ZNF160: variants seen among roughly 807,000 people sequenced by gnomAD.
ZNF160 encodes the protein KRAB zinc finger protein KR18.
Under a neutral mutation model 13.1 loss-of-function variants are expected in ZNF160, and 9 were observed. The ratio of observed to expected loss-of-function variants is 0.69; its 90% confidence interval spans 0.41 to 1.20. The LOEUF is 1.20. Among genes scored for constraint, ZNF160 ranks in the 50% most tolerant of loss-of-function variants. ZNF160 has a pLI of 0.01. For synonymous variants in ZNF160, 293 were observed against 333.2 expected (o/e 0.88, Z 1.31); for missense variants, 838 against 988.0 (o/e 0.85, Z 2.04).
Position 53,067,456 on chromosome 19 carries a change from T to C in ZNF160, c.*621A>G, listed in dbSNP as rs1307059375. 2 of 152,230 alleles carry C rather than the reference T, an allele frequency of 1.3e-5. No individual in the cohort carries two copies. The highest frequency in any genetic ancestry group is 4.8e-5 in the African/African-American group (2 of 41,468). 9.4% of individuals were successfully genotyped at this position (152,230 alleles called of 1,614,324 possible). On this transcript the variant is annotated 3_prime_UTR_variant, in exon 6 of 6. Transcript: ENST00000683776. ...AAGTCCTCCTTCTTCACAAATTGGA[T>C]AGAAATAATCCTTCACCTAATCAAT...
At chr19:53,073,372 C>T in intron 5 of ZNF160, 1 of 1,598,414 alleles carries the variant, frequency 6.3e-7, no homozygotes, top group Non-Finnish European at 8.5e-7. Context: ...TCACACACCC[C>T]CATGAAAGTG....
At chr19:53,101,422 A>AT (rs1366819621) in intron 1 of ZNF160, among the ~76,000 whole-genome samples, 29 of 114,828 alleles carry the variant, frequency 2.5e-4, no homozygotes, top group African/African-American at 1.1e-3. Context: ...ACCATTTTGA[A>AT]AATATATATA....
In ZNF160 at chr19:53,069,999, T is replaced by C; in HGVS notation, c.535A>G (p.Asn179Asp). Residue 179 changes from asparagine to aspartate, a missense_variant, in exon 6 of 6, where the codon AAT (asparagine) becomes GAT (aspartate). This residue lies in a region of ZNF160 where 387 missense variants were observed against 402.3 expected (regional missense o/e 0.96). Transcript: ENST00000683776. This position sits in a 1 kb window ranked among gnomAD's most constrained non-coding sequence, Gnocchi z 4.4. ...GAATGAAAGCTTACTCCAAGCTGAT[T>C]GTTCATAAGCTTGTTTTCTATGTCT... The part of the protein sequence containing the change: ...RRDIENKLMN[N>D]QLGVSFHSHL... 1 of 1,614,128 alleles carries C rather than the reference T, an allele frequency of 6.2e-7. No homozygotes were observed. The highest frequency in any genetic ancestry group is 8.5e-7 in the Non-Finnish European group (1 of 1,180,006).
intron 1 of ZNF160, among the ~76,000 whole-genome samples, chr19:53,094,127 T>C (rs2085133427): frequency 6.6e-6 from 1 of 152,190 alleles, no homozygotes; most frequent in Admixed American, 6.5e-5. Flanking sequence ...ATACCAAAGG[T>C]AACCCAGAAA....
At chr19:53,092,777 T>C (rs925700018) in intron 1 of ZNF160, among the ~76,000 whole-genome samples, 1 of 152,204 alleles carries the variant, frequency 6.6e-6, no homozygotes, top group Non-Finnish European at 1.5e-5. Flanking sequence ...ATTTCATCAA[T>C]GGAAAAGTGG....
At chr19:53,088,398 G>A (rs1203887427) in intron 2 of ZNF160, among the ~76,000 whole-genome samples, 1 of 151,822 alleles carries the variant, frequency 6.6e-6, no homozygotes, top group East Asian at 1.9e-4. Context: ...CAAAGTGGCC[G>A]CACACGGCTC....
rs200872121 is a variant in ZNF160, at chr19:53,069,036, G to T, written c.1498C>A (p.Arg500=). The change falls in exon 6 of 6, where the codon CGA becomes AGA. Residue 500 remains arginine (R), a synonymous_variant. Coordinates refer to ENST00000683776, the MANE Select transcript of ZNF160 (RefSeq NM_001322131.2). This position sits in a 1 kb window ranked among gnomAD's most constrained non-coding sequence, Gnocchi z 4.4. ...GGTTTCTCTCCAGTATGAATTCTTC[G>T]ATGATTTGCAAGTTGTGAATTTTGA... The part of the protein sequence containing the change: ...FTQNSQLANH[R]RIHTGEKPYK... 113 of 1,613,824 alleles carry T rather than the reference G, an allele frequency of 7.0e-5. No homozygotes were observed. The South Asian group carries it at 1.2e-3, about 18-fold the overall frequency.
chr19:53,080,178 A>G (rs1381844371), intron 3 of ZNF160, among the ~76,000 whole-genome samples: 2 of 151,078 alleles, frequency 1.3e-5, no homozygotes, highest in Non-Finnish European at 2.9e-5. Flanking sequence ...GGCTCACCAC[A>G]ACCTCTGCCT....
rs1156600045 is a variant in ZNF160 at position 53,069,263 on chromosome 19, G to C, written c.1271C>G (p.Pro424Arg). ...TTTGCCACATTCATTACATTTGTAA[G>C]GTTTTTCTCCAGTGTGGATTGTCTG... ...IHQTIHTGEK[P>R]YKCNECGKVF... Residue 424 changes from proline to arginine, a missense_variant, in exon 6 of 6, where the codon CCT becomes CGT. Transcript: ENST00000683776. This position sits in a 1 kb window ranked among gnomAD's most constrained non-coding sequence, Gnocchi z 4.4. 1.9e-6 allele frequency: 3 copies of C among 1,612,300 alleles called. No homozygotes were observed. The African/African-American group carries it at 4.0e-5, about 22-fold the overall frequency.
At chr19:53,078,770 A>G (rs1268061574) in intron 3 of ZNF160, among the ~76,000 whole-genome samples, 1 of 150,556 alleles carries the variant, frequency 6.6e-6, no homozygotes, top group Non-Finnish European at 1.5e-5. Context: ...GTATACTCTC[A>G]TAAGTAGTAA....
At chr19:53,073,833 T>A (rs978788766) in intron 5 of ZNF160, among the ~76,000 whole-genome samples, 6 of 152,182 alleles carry the variant, frequency 3.9e-5, no homozygotes, top group African/African-American at 1.4e-4. Context: ...CCACCCAGGC[T>A]GGAGTGCAGT....
chr19:53,074,224 C>T lies in ZNF160; in HGVS notation c.187G>A (p.Gly63Arg). 1 of 1,614,152 alleles carries T rather than the reference C, an allele frequency of 6.2e-7. No individual in the cohort carries two copies. The highest frequency in any genetic ancestry group is 8.5e-7 in the Non-Finnish European group (1 of 1,180,026). ...DMNIISMLEE[G>R]KEPWTVKSCV... is the part of the protein sequence containing the mutation. The stretch of plus-strand genomic sequence containing the variant: ...CTCTTCACAGTCCAGGGCTCTTTCC[C>T]TTCCTCCAACATGGAGATAATATTC... Residue 63 changes from glycine (G) to arginine (R), a missense_variant, in exon 5 of 6, where the codon GGG (glycine) becomes AGG (arginine). Gly to Arg is a moderately radical substitution (Grantham distance 125, BLOSUM62 -2). Around this residue, in one of 3 missense-constraint regions of ZNF160, gnomAD observed 387 missense variants for 402.3 expected, o/e 0.96. Coordinates refer to ENST00000683776, the MANE Select transcript of ZNF160 (RefSeq NM_001322131.2).
chr19:53,073,026 A>T (rs2084239445), intron 5 of ZNF160: 1 of 555,114 alleles, frequency 1.8e-6, no homozygotes, highest in Non-Finnish European at 2.4e-6. Flanking sequence ...TTATAGGTAT[A>T]CAATATGGAC....
chr19:53,071,144 C>G (rs903145726), intron 5 of ZNF160, among the ~76,000 whole-genome samples: 2 of 151,920 alleles, frequency 1.3e-5, no homozygotes, highest in African/African-American at 2.4e-5. Flanking sequence ...TGCAGTGAGC[C>G]GAGATCGTGC....
chr19:53,096,338 G>A (rs781191283), intron 1 of ZNF160, among the ~76,000 whole-genome samples: 1 of 152,130 alleles, frequency 6.6e-6, no homozygotes. Flanking sequence ...GGTCTTTTTC[G>A]TGAGAAGGGA....
intron 3 of ZNF160, chr19:53,075,731 A>C (rs368322618): frequency 1.9e-6 from 1 of 518,976 alleles, no homozygotes; most frequent in Non-Finnish European, 3.8e-6. Context: ...AGCATCTTCT[A>C]TAATAAATGG....
intron 1 of ZNF160, among the ~76,000 whole-genome samples, chr19:53,099,860 C>G (rs1319040277): frequency 6.6e-6 from 1 of 152,150 alleles, no homozygotes; most frequent in Non-Finnish European, 1.5e-5. Flanking sequence ...ACTAAGTCAT[C>G]CAAGTTGAAT....
At chr19:53,084,875 C>T (rs913612340) in intron 3 of ZNF160, 1 of 151,852 alleles carries the variant, frequency 6.6e-6, no homozygotes, top group Non-Finnish European at 1.5e-5. Flanking sequence ...AGAGATCACT[C>T]TTCCAATCGT....
intron 1 of ZNF160, among the ~76,000 whole-genome samples, chr19:53,098,846 C>G (rs2085336172): frequency 6.6e-6 from 1 of 150,972 alleles, no homozygotes; most frequent in African/African-American, 2.5e-5. Flanking sequence ...GACGCCTCGG[C>G]ACTGGCTGAG....
Sources: allele counts gnomAD v4.1 joint callset (sites outside exome capture counted in the v4.1 genomes callset), GRCh38; gene constraint gnomAD v4.1.1; regional missense constraint gnomAD v4.1.1; non-coding constraint Gnocchi (gnomAD v3.1); transcripts MANE v1.5; gene names NCBI Gene and HGNC (gene_info 2026-07-23, HGNC 2026-07-21).